The following ARHGAP24 variants were observed in gnomAD, a reference collection of about 807,000 sequenced individuals.
The protein encoded by ARHGAP24 is Rho GTPase activating protein 24.
Under a neutral mutation model 76.4 loss-of-function variants are expected in ARHGAP24, and 50 were observed. The ratio of observed to expected loss-of-function variants is 0.65; its 90% CI spans 0.52 to 0.83. The LOEUF is 0.83. ARHGAP24 is among the 40% of genes least tolerant of loss of function. The probability of loss-of-function intolerance (pLI) is 0.00; values close to 1 mark genes in which losing one functional copy is unlikely to be tolerated. For missense variants in ARHGAP24, 930 were observed against 914.2 expected, an observed-to-expected ratio of 1.02 and a Z score of -0.22; for synonymous variants, 345 against 323.3, an observed-to-expected ratio of 1.07 and a Z score of -0.72.
chr4:85,906,360 A>G (rs1332008001), intron 3 of ARHGAP24, among the ~76,000 whole-genome samples: 1 of 152,204 alleles, frequency 6.6e-6, no homozygotes, highest in Admixed American at 6.5e-5. Context: ...GGTACTAGTT[A>G]GGGTTGATAA....
At chr4:85,705,786 C>T (rs1340239471) in intron 2 of ARHGAP24, among the ~76,000 whole-genome samples, 1 of 152,172 alleles carries the variant, frequency 6.6e-6, no homozygotes, top group African/African-American at 2.4e-5. Context: ...TGTTTTTATT[C>T]TCTCTTCTAT....
chr4:85,744,798 G>A (rs1020447591), intron 3 of ARHGAP24, among the ~76,000 whole-genome samples: 1 of 152,170 alleles, frequency 6.6e-6, no homozygotes, highest in Non-Finnish European at 1.5e-5. Flanking sequence ...TTTTAAAATG[G>A]TTATTTAGTC....
At chr4:85,703,866 A>G (rs532462163) in intron 2 of ARHGAP24, among the ~76,000 whole-genome samples, 82 of 152,252 alleles carry the variant, frequency 5.4e-4, no homozygotes, top group African/African-American at 1.8e-3. Flanking sequence ...TGTAATCACC[A>G]CCACAATCAA....
chr4:85,641,802 C>T (rs1379319031), intron 2 of ARHGAP24, among the ~76,000 whole-genome samples: 1 of 152,090 alleles, frequency 6.6e-6, no homozygotes, highest in Non-Finnish European at 1.5e-5. Context: ...ATGAAGCTTC[C>T]ACACCCTTCC....
At chr4:85,783,934 G>A (rs531588962) in intron 3 of ARHGAP24, among the ~76,000 whole-genome samples, 9 of 152,172 alleles carry the variant, frequency 5.9e-5, no homozygotes, top group African/African-American at 1.9e-4. Context: ...ACTGCACAAC[G>A]ATGTTCAGGC....
intron 3 of ARHGAP24, among the ~76,000 whole-genome samples, chr4:85,843,866 A>G (rs1730731221): frequency 6.6e-6 from 1 of 152,176 alleles, no homozygotes; most frequent in Admixed American, 6.5e-5. Context: ...CATTGATACA[A>G]AATATATGTT....
chr4:85,712,201 G>A (rs750110006), intron 2 of ARHGAP24, among the ~76,000 whole-genome samples: 1 of 152,152 alleles, frequency 6.6e-6, no homozygotes, highest in Non-Finnish European at 1.5e-5. Context: ...GGACATTAAC[G>A]TGACTGGTTT....
intron 3 of ARHGAP24, among the ~76,000 whole-genome samples, chr4:85,859,750 TC>T (rs1488418691): frequency 6.6e-6 from 1 of 152,068 alleles, no homozygotes; most frequent in Non-Finnish European, 1.5e-5. Context: ...AATTTTAACT[TC>T]CAGTTTCATT....
intron 2 of ARHGAP24, among the ~76,000 whole-genome samples, chr4:85,589,722 C>T (rs1728006597): frequency 6.6e-6 from 1 of 152,202 alleles, no homozygotes; most frequent in Admixed American, 6.5e-5. Flanking sequence ...CTAGAGAGAT[C>T]TCTTTGGCTG....
chr4:85,568,783 T>C (rs1726953244), intron 1 of ARHGAP24, among the ~76,000 whole-genome samples: 1 of 151,956 alleles, frequency 6.6e-6, no homozygotes, highest in Non-Finnish European at 1.5e-5. Flanking sequence ...AGGAAAGAAG[T>C]GCGTATTGAA....
chr4:85,735,996 G>T (rs1296435362), intron 3 of ARHGAP24, among the ~76,000 whole-genome samples: 1 of 152,140 alleles, frequency 6.6e-6, no homozygotes, highest in South Asian at 2.1e-4. Flanking sequence ...CTACCACATT[G>T]ACTTTCTTTG....
chr4:85,828,825 A>G (rs1010176883), intron 3 of ARHGAP24, among the ~76,000 whole-genome samples: 1 of 152,122 alleles, frequency 6.6e-6, no homozygotes, highest in African/African-American at 2.4e-5. Flanking sequence ...AACTATAAAA[A>G]GGAGATACTT....
chr4:85,551,471 A>G (rs1227931259), intron 1 of ARHGAP24, among the ~76,000 whole-genome samples: 1 of 152,138 alleles, frequency 6.6e-6, no homozygotes, highest in Non-Finnish European at 1.5e-5. Flanking sequence ...TGCATCAAGG[A>G]TATCGGCCTG....
chr4:85,801,428 A>G (rs574234463), intron 3 of ARHGAP24, among the ~76,000 whole-genome samples: 34 of 152,352 alleles, frequency 2.2e-4, no homozygotes, highest in African/African-American at 8.2e-4. Context: ...AACATTTTTC[A>G]TATACTTGTA....
chr4:85,869,810 G>A (rs1291126083), intron 3 of ARHGAP24, among the ~76,000 whole-genome samples: 5 of 152,280 alleles, frequency 3.3e-5, no homozygotes, highest in East Asian at 3.9e-4. Context: ...AGGAAATTGC[G>A]TTAAAGTTCC....
chr4:85,797,884 G>GA (rs1399418065), intron 3 of ARHGAP24, among the ~76,000 whole-genome samples: 3 of 152,212 alleles, frequency 2.0e-5, no homozygotes, highest in African/African-American at 4.8e-5. Context: ...GAAAGGAGGG[G>GA]GGCAAAACAA....
chr4:85,575,894 C>T (rs1403333963), intron 2 of ARHGAP24, among the ~76,000 whole-genome samples: 1 of 152,180 alleles, frequency 6.6e-6, no homozygotes, highest in Non-Finnish European at 1.5e-5. Flanking sequence ...TTTTAGAAGC[C>T]AGTCTGAAAC....
chr4:85,558,331 A>G (rs1435078223), intron 1 of ARHGAP24, among the ~76,000 whole-genome samples: 2 of 152,106 alleles, frequency 1.3e-5, no homozygotes, highest in Non-Finnish European at 2.9e-5. Flanking sequence ...TTTATGTAGA[A>G]GATTTATTTC....
At chr4:85,880,977 A>T (rs1378592381) in intron 3 of ARHGAP24, among the ~76,000 whole-genome samples, 1 of 152,176 alleles carries the variant, frequency 6.6e-6, no homozygotes, top group Admixed American at 6.5e-5. Flanking sequence ...CTAAGTCATG[A>T]GTGTTCACGT....
Sources: allele counts gnomAD v4.1 joint callset (sites outside exome capture counted in the v4.1 genomes callset), GRCh38; gene constraint gnomAD v4.1.1; transcripts MANE v1.5; gene names NCBI Gene and HGNC (gene_info 2026-07-23, HGNC 2026-07-21).